The following MORC1 variants were observed in gnomAD, a reference collection of about 807,000 sequenced individuals.
The protein encoded by MORC1 is MORC family CW-type zinc finger 1.
Under a neutral mutation model 134.9 loss-of-function variants are expected in MORC1, and 59 were observed. The observed-to-expected ratio is 0.44, with a 90% CI of 0.35 to 0.54. MORC1 has a LOEUF of 0.54. Ranked by LOEUF, MORC1 falls within the 20% of genes least tolerant of loss-of-function variation. MORC1 has a pLI of 0.00. For missense variants in MORC1, 947 were observed against 1,134.5 expected (o/e 0.83, Z 2.37); for synonymous variants, 395 against 391.7 (o/e 1.01, Z -0.10).
At chr3:109,053,793 A>G (rs763700516) in intron 14 of MORC1, among the ~76,000 whole-genome samples, 2 of 152,244 alleles carry the variant, frequency 1.3e-5, no homozygotes, top group African/African-American at 4.8e-5. Context: ...AAAAACAAAA[A>G]GAAGTTTAAT....
At chr3:109,070,303 G>A (rs1368670801) in intron 8 of MORC1, among the ~76,000 whole-genome samples, 1 of 152,090 alleles carries the variant, frequency 6.6e-6, no homozygotes, top group Non-Finnish European at 1.5e-5. Flanking sequence ...GGAAGCATCT[G>A]ACCACACGAT....
chr3:109,070,124 C>T (rs1294062904), intron 8 of MORC1, among the ~76,000 whole-genome samples: 1 of 152,068 alleles, frequency 6.6e-6, no homozygotes, highest in African/African-American at 2.4e-5. Context: ...TCAAACATAA[C>T]AAAAAGAATC....
chr3:109,040,209 T>A (rs978023360), intron 14 of MORC1, among the ~76,000 whole-genome samples: 1 of 150,794 alleles, frequency 6.6e-6, no homozygotes, highest in Non-Finnish European at 1.5e-5. Context: ...AAAAAAGAAA[T>A]CACAAGTCAT....
intron 26 of MORC1, among the ~76,000 whole-genome samples, chr3:108,965,852 G>A (rs1947205729): frequency 2.6e-5 from 4 of 152,012 alleles, no homozygotes; most frequent in Non-Finnish European, 5.9e-5. Flanking sequence ...CTATTAATAC[G>A]AGATGAGACC....
At chr3:109,071,290 T>C (rs987906237) in intron 8 of MORC1, among the ~76,000 whole-genome samples, 3 of 152,172 alleles carry the variant, frequency 2.0e-5, no homozygotes, top group Non-Finnish European at 2.9e-5. Flanking sequence ...TTGAGAAATA[T>C]GGTGAGAGAT....
At chr3:109,017,600 A>T (rs1948846346) in intron 17 of MORC1, among the ~76,000 whole-genome samples, 1 of 152,232 alleles carries the variant, frequency 6.6e-6, no homozygotes, top group African/African-American at 2.4e-5. Flanking sequence ...TTTTAAAAAT[A>T]CATTTTTTTA....
intron 26 of MORC1, among the ~76,000 whole-genome samples, chr3:108,966,538 A>G (rs996307772): frequency 1.1e-4 from 16 of 152,214 alleles, no homozygotes; most frequent in African/African-American, 3.9e-4. Flanking sequence ...TGACAGGATT[A>G]TTAACTTCAA....
intron 25 of MORC1, among the ~76,000 whole-genome samples, chr3:108,970,293 A>T (rs1322867613): frequency 2.0e-4 from 31 of 152,132 alleles, no homozygotes; most frequent in Admixed American, 2.0e-3. Flanking sequence ...AATAAAAATA[A>T]ATAAAAAATA....
chr3:109,006,744 T>C (rs909514695), intron 18 of MORC1, among the ~76,000 whole-genome samples: 1 of 152,156 alleles, frequency 6.6e-6, no homozygotes, highest in Non-Finnish European at 1.5e-5. Context: ...AAAATATATA[T>C]GTATATATCC....
chr3:108,981,653 G>A (rs925691591), intron 23 of MORC1, among the ~76,000 whole-genome samples: 2 of 152,180 alleles, frequency 1.3e-5, no homozygotes, highest in Non-Finnish European at 2.9e-5. Context: ...CTACCTTATA[G>A]AGTTGTACTG....
intron 8 of MORC1, among the ~76,000 whole-genome samples, chr3:109,084,466 CA>C (rs1419449315): frequency 6.6e-6 from 1 of 151,854 alleles, no homozygotes; most frequent in Non-Finnish European, 1.5e-5. Context: ...AAGATCTATA[CA>C]AAGAAAATTA....
chr3:109,045,864 C>G (rs907944801), intron 14 of MORC1, among the ~76,000 whole-genome samples: 1 of 152,106 alleles, frequency 6.6e-6, no homozygotes, highest in Non-Finnish European at 1.5e-5. Context: ...TGGCCCAATT[C>G]ACTCCAAATG....
At chr3:109,009,640 T>C (rs1459775671) in intron 17 of MORC1, among the ~76,000 whole-genome samples, 2 of 152,210 alleles carry the variant, frequency 1.3e-5, no homozygotes, top group Non-Finnish European at 2.9e-5. Flanking sequence ...CTGATTTTTT[T>C]TAGAGAAGTT....
At chr3:109,103,810 C>A (rs1950973002) in intron 4 of MORC1, 39 bp downstream of exon 4, 4 of 1,528,470 alleles carry the variant, frequency 2.6e-6, no homozygotes, top group Non-Finnish European at 3.6e-6. Flanking sequence ...CAGACTGTTT[C>A]CTTTAACAGC....
At chr3:109,039,496 C>T (rs907496209) in intron 14 of MORC1, among the ~76,000 whole-genome samples, 1 of 152,130 alleles carries the variant, frequency 6.6e-6, no homozygotes, top group African/African-American at 2.4e-5. Context: ...TCTGTTTCAC[C>T]ACCTAGACAA....
At chr3:109,057,937 C>T (rs1042697682) in intron 12 of MORC1, among the ~76,000 whole-genome samples, 25 of 152,162 alleles carry the variant, frequency 1.6e-4, no homozygotes, top group African/African-American at 6.0e-4. Flanking sequence ...CTCTGGCTTC[C>T]TCTCTAACCC....
At chr3:109,096,982 T>C (rs1043706851) in intron 6 of MORC1, among the ~76,000 whole-genome samples, 7 of 151,692 alleles carry the variant, frequency 4.6e-5, no homozygotes, top group African/African-American at 1.7e-4. Flanking sequence ...TACAAAAGGA[T>C]AGAAAAGAGA....
intron 12 of MORC1, among the ~76,000 whole-genome samples, chr3:109,059,449 T>C (rs900593286): frequency 3.9e-5 from 6 of 152,188 alleles, no homozygotes; most frequent in African/African-American, 1.4e-4. Flanking sequence ...AGAATTTAAA[T>C]GGCAAATGAC....
intron 23 of MORC1, among the ~76,000 whole-genome samples, chr3:108,980,735 T>A (rs1475613117): frequency 6.6e-6 from 1 of 152,206 alleles, no homozygotes; most frequent in Non-Finnish European, 1.5e-5. Flanking sequence ...TAAAGTTTAT[T>A]TTAGCCTGAG....
Sources: allele counts gnomAD v4.1 joint callset (sites outside exome capture counted in the v4.1 genomes callset), GRCh38; gene constraint gnomAD v4.1.1; transcripts MANE v1.5; gene names NCBI Gene and HGNC (gene_info 2026-07-23, HGNC 2026-07-21).